Variants in GMDS observed in about 807,000 individuals in gnomAD.
The protein encoded by GMDS is GDP-mannose 4,6-dehydratase, also known as GDP-mannose 4,6 dehydratase.
In GMDS, 20 loss-of-function variants were observed where a neutral mutation model predicts 49.9. The observed-to-expected ratio is 0.40, with a 90% CI of 0.28 to 0.58. The LOEUF (loss-of-function observed/expected upper bound fraction) is 0.58. Among genes scored for constraint, GMDS ranks in the 20% least tolerant of loss-of-function variants. The pLI is 0.42. For missense variants in GMDS, 362 were observed against 481.4 expected (o/e 0.75, Z 2.32); for synonymous variants, 177 against 178.6 (o/e 0.99, Z 0.07).
At chr6:1,845,387 C>CAT (rs1478389040) in intron 7 of GMDS, among the ~76,000 whole-genome samples, 4 of 152,016 alleles carry the variant, frequency 2.6e-5, no homozygotes, top group Non-Finnish European at 5.9e-5. Flanking sequence ...CAGTGATGAG[C>CAT]ATATATATAT....
chr6:1,863,733 G>C (rs1240931855), intron 7 of GMDS, among the ~76,000 whole-genome samples: 2 of 152,270 alleles, frequency 1.3e-5, no homozygotes, highest in Admixed American at 6.5e-5. Context: ...TGTCTGAAGA[G>C]TATAGTAGTT....
chr6:2,150,612 A>G (rs1202291619), intron 1 of GMDS, among the ~76,000 whole-genome samples: 2 of 152,212 alleles, frequency 1.3e-5, no homozygotes, highest in Non-Finnish European at 1.5e-5. Flanking sequence ...TTCACACCCT[A>G]AAGTAATCTC....
chr6:2,091,761 G>A (rs1256434037), intron 4 of GMDS, among the ~76,000 whole-genome samples: 1 of 152,010 alleles, frequency 6.6e-6, no homozygotes, highest in Non-Finnish European at 1.5e-5. Flanking sequence ...TAATTAGCCA[G>A]GTATAGTGAT....
rs182739438 is a variant in GMDS, at chr6:2,145,144, T to A, written c.103-20413A>T. Among the ~76,000 whole-genome samples, 864 of 152,284 alleles carry A rather than the reference T, an allele frequency of 5.7e-3. 2 individuals are homozygous for A. Among genetic ancestry groups the A allele is most frequent in the Middle Eastern group, 0.017 (5 of 294 alleles). On this transcript the variant is annotated intron_variant, in intron 1 of 10. Coordinates refer to ENST00000380815, the MANE Select transcript of GMDS (RefSeq NM_001500.4). ...TATGATAACAGGTAGTATGAATAGA[T>A]TTCAAGGGTTTATTAAGCACTAAGT...
At chr6:1,686,102 C>T (rs528669946) in intron 9 of GMDS, among the ~76,000 whole-genome samples, 6 of 152,116 alleles carry the variant, frequency 3.9e-5, no homozygotes, top group African/African-American at 7.2e-5. Flanking sequence ...GCAGAAGAAG[C>T]GAAGTCTGTA....
intron 9 of GMDS, among the ~76,000 whole-genome samples, chr6:1,658,270 G>C (rs1763955721): frequency 2.0e-5 from 3 of 152,248 alleles, no homozygotes; most frequent in Non-Finnish European, 1.5e-5. Context: ...AGCAGATGTT[G>C]CTTCTCTACT....
chr6:2,198,386 T>C (rs568643942), intron 1 of GMDS, among the ~76,000 whole-genome samples: 95 of 152,302 alleles, frequency 6.2e-4, no homozygotes, highest in African/African-American at 2.2e-3. Flanking sequence ...TCCAAAATAT[T>C]TGAGAAAGGG....
At chr6:1,682,445 C>T (rs1166795040) in intron 9 of GMDS, among the ~76,000 whole-genome samples, 1 of 152,242 alleles carries the variant, frequency 6.6e-6, no homozygotes, top group African/African-American at 2.4e-5. Flanking sequence ...CTTGTGCCCT[C>T]TGGCCATGCT....
intron 7 of GMDS, among the ~76,000 whole-genome samples, chr6:1,855,910 T>C (rs1757918047): frequency 6.6e-6 from 1 of 152,230 alleles, no homozygotes. Context: ...GATGGATGCA[T>C]GCAGGTACAT....
intron 9 of GMDS, among the ~76,000 whole-genome samples, chr6:1,699,918 C>T (rs934721887): frequency 6.6e-5 from 10 of 152,354 alleles, no homozygotes; most frequent in Admixed American, 2.6e-4. Flanking sequence ...AGCCTCCATA[C>T]GCAGAGGCAG....
chr6:2,244,487 T>G (rs3823287), intron 1 of GMDS, among the ~76,000 whole-genome samples: 17,730 of 152,022 alleles, frequency 0.12, 1,117 homozygotes, highest in Middle Eastern at 0.23. Context: ...GCACGATTAC[T>G]TCATGACCAC....
In GMDS at chr6:1,738,206, T is replaced by TAC. The variant is rs756223878; in HGVS notation, c.890+4260_890+4261dup. ...ACATATACACACATACACACACACA[T>TAC]ACACACACACAGATGCTATCAAAAG... On this transcript the variant is annotated intron_variant, in intron 8 of 10. Transcript: ENST00000380815. 1.3e-4 allele frequency among the ~76,000 whole-genome samples: 19 copies of TAC among 151,182 alleles called. 1 individual carries two copies. The highest frequency in any genetic ancestry group is 4.6e-4 in the African/African-American group (19 of 41,106).
intron 7 of GMDS, among the ~76,000 whole-genome samples, chr6:1,843,106 C>CATCAAATCAA (rs1757217303): frequency 4.2e-5 from 1 of 23,972 alleles, no homozygotes; most frequent in Non-Finnish European, 1.2e-4. Flanking sequence ...TAAGACCCTG[C>CATCAAATCAA]ATCAAATAAA....
chr6:1,865,086 T>C (rs1758381576), intron 7 of GMDS, among the ~76,000 whole-genome samples: 1 of 152,184 alleles, frequency 6.6e-6, no homozygotes, highest in Non-Finnish European at 1.5e-5. Context: ...CTCTCTCTCT[T>C]CAGGGATTAT....
At chr6:1,927,808 C>T (rs1375907010) in intron 7 of GMDS, among the ~76,000 whole-genome samples, 1 of 152,132 alleles carries the variant, frequency 6.6e-6, no homozygotes, top group Non-Finnish European at 1.5e-5. Flanking sequence ...ACTTTTTGGC[C>T]TGTTTCTGAA....
intron 7 of GMDS, among the ~76,000 whole-genome samples, chr6:1,863,829 G>T (rs569331053): frequency 1.3e-5 from 2 of 151,956 alleles, no homozygotes; most frequent in Non-Finnish European, 2.9e-5. Context: ...TCACATTTCT[G>T]CATTTTAGCA....
chr6:2,069,212 C>G (rs375185609), intron 4 of GMDS, among the ~76,000 whole-genome samples: 2 of 151,972 alleles, frequency 1.3e-5, no homozygotes, highest in Non-Finnish European at 2.9e-5. Flanking sequence ...CTGGCTAGCC[C>G]TATGTAGAAA....
At chr6:1,743,573 C>G (rs889245162) in intron 7 of GMDS, among the ~76,000 whole-genome samples, 2 of 151,034 alleles carry the variant, frequency 1.3e-5, no homozygotes, top group Non-Finnish European at 2.9e-5. Context: ...GATGTCTATA[C>G]AGGTTCACTT....
intron 7 of GMDS, among the ~76,000 whole-genome samples, chr6:1,791,045 G>T (rs1038265107): frequency 5.3e-5 from 8 of 152,224 alleles, no homozygotes; most frequent in African/African-American, 1.9e-4. Flanking sequence ...AAAGGACAGA[G>T]AATGTACTTT....
Sources: gnomAD v4.1 joint callset for allele counts (sites outside exome capture counted in the v4.1 genomes callset) on GRCh38, gnomAD v4.1.1 for gene constraint, MANE v1.5 for transcripts, NCBI Gene and HGNC (gene_info 2026-07-23, HGNC 2026-07-21) for gene names.